Variants in HPSE2 observed in about 807,000 individuals in gnomAD.
The protein encoded by HPSE2 is heparanase 2 (inactive).
Under a neutral mutation model 60.5 loss-of-function variants are expected in HPSE2, and 38 were observed. The ratio of observed to expected loss-of-function variants is 0.63; its 90% CI spans 0.48 to 0.82. The LOEUF is 0.82. HPSE2 is among the 40% of genes least tolerant of loss of function. The probability of loss-of-function intolerance (pLI) is 0.00; values close to 1 mark genes in which losing one functional copy is unlikely to be tolerated. For missense variants in HPSE2, 713 were observed against 740.4 expected (o/e 0.96, Z 0.43); for synonymous variants, 295 against 293.2 (o/e 1.01, Z -0.06).
At chr10:99,296,657 G>A in the HPSE2 span, among the ~76,000 whole-genome samples, 2 of 152,180 alleles carry the variant, frequency 1.3e-5, no homozygotes, top group East Asian at 1.9e-4. Context: ...GAACCCTCCT[G>A]GGCTGAGCTC....
intron 3 of HPSE2, among the ~76,000 whole-genome samples, chr10:99,101,841 T>C (rs1167876950): frequency 6.6e-6 from 1 of 152,164 alleles, no homozygotes; most frequent in East Asian, 1.9e-4. Flanking sequence ...CACTTAAAAC[T>C]GCTCAACTAC....
At chr10:98,711,469 T>C (rs1416826625) in intron 5 of HPSE2, among the ~76,000 whole-genome samples, 1 of 152,140 alleles carries the variant, frequency 6.6e-6, no homozygotes, top group East Asian at 1.9e-4. Flanking sequence ...AAAAATAGCA[T>C]CACTGAATAG....
At chr10:99,015,431 A>C (rs188577220) in intron 3 of HPSE2, among the ~76,000 whole-genome samples, 1 of 152,252 alleles carries the variant, frequency 6.6e-6, no homozygotes, top group African/African-American at 2.4e-5. Context: ...ATGTCCAACA[A>C]TGATAGACTG....
intron 9 of HPSE2, among the ~76,000 whole-genome samples, chr10:98,593,249 T>C (rs1257822327): frequency 1.3e-5 from 2 of 152,156 alleles, no homozygotes; most frequent in African/African-American, 4.8e-5. Flanking sequence ...TCAGGGAATA[T>C]GGAAATATGG....
At chr10:98,865,884 C>A (rs566970037) in intron 3 of HPSE2, among the ~76,000 whole-genome samples, 2 of 152,136 alleles carry the variant, frequency 1.3e-5, no homozygotes, top group South Asian at 2.1e-4. Context: ...CCCTTCCTAA[C>A]AAATCATATA....
At chr10:99,235,912 T>TC (rs1849828281), upstream of HPSE2, 1 of 810,328 alleles carries the variant, frequency 1.2e-6, no homozygotes, top group Non-Finnish European at 2.1e-6. Context: ...TTTCCCTTCC[T>TC]CCCACCACCC....
intron 3 of HPSE2, among the ~76,000 whole-genome samples, chr10:98,947,302 T>A (rs1275823280): frequency 1.3e-5 from 2 of 152,140 alleles, no homozygotes; most frequent in East Asian, 3.9e-4. Context: ...AGGACTGCTA[T>A]AAGAAAGGCA....
At chr10:98,813,218 T>C (rs750141598) in intron 3 of HPSE2, among the ~76,000 whole-genome samples, 19 of 152,180 alleles carry the variant, frequency 1.2e-4, no homozygotes, top group Non-Finnish European at 2.2e-4. Flanking sequence ...GAATTATCAC[T>C]CATAGCAAGA....
chr10:98,773,923 G>A (rs1349211038), intron 3 of HPSE2, among the ~76,000 whole-genome samples: 3 of 152,034 alleles, frequency 2.0e-5, no homozygotes, highest in African/African-American at 7.2e-5. Context: ...CAGGCATTGT[G>A]GTACATGCCT....
chr10:99,205,264 T>G (rs1848707406), intron 2 of HPSE2, among the ~76,000 whole-genome samples: 1 of 152,026 alleles, frequency 6.6e-6, no homozygotes, highest in Non-Finnish European at 1.5e-5. Context: ...ACTAAAAAAA[T>G]AGACCAGATC....
At chr10:99,058,792 T>G (rs1227389390) in intron 3 of HPSE2, among the ~76,000 whole-genome samples, 1 of 152,080 alleles carries the variant, frequency 6.6e-6, no homozygotes, top group Non-Finnish European at 1.5e-5. Context: ...TGGGGATGTG[T>G]GAAAGAGAAA....
intron 4 of HPSE2, among the ~76,000 whole-genome samples, chr10:98,732,173 A>G (rs1033382399): frequency 1.3e-5 from 2 of 152,196 alleles, no homozygotes; most frequent in African/African-American, 4.8e-5. Context: ...AGCTCGTGAT[A>G]GGAAGATTTT....
intron 9 of HPSE2, among the ~76,000 whole-genome samples, chr10:98,536,037 T>C (rs753552978): frequency 5.3e-5 from 8 of 152,216 alleles, no homozygotes; most frequent in Non-Finnish European, 1.2e-4. Context: ...CCCCCTCTTA[T>C]ATGCAGACAA....
the HPSE2 span, among the ~76,000 whole-genome samples, chr10:99,306,157 A>G: frequency 3.3e-5 from 5 of 152,246 alleles, no homozygotes; most frequent in South Asian, 1.0e-3. Flanking sequence ...ATTCCAGAAG[A>G]GCAGAGAGGA....
chr10:98,512,129 T>C (rs1359209935), intron 9 of HPSE2, among the ~76,000 whole-genome samples: 1 of 152,114 alleles, frequency 6.6e-6, no homozygotes, highest in Non-Finnish European at 1.5e-5. Flanking sequence ...GCTCTGCTGC[T>C]CCAACTTCCT....
chr10:99,077,209 T>C (rs923731033), intron 3 of HPSE2, among the ~76,000 whole-genome samples: 6 of 152,204 alleles, frequency 3.9e-5, no homozygotes, highest in African/African-American at 1.4e-4. Context: ...ATTCATTTTA[T>C]TTGAGGTCTG....
chr10:98,845,224 G>T (rs903696440), intron 3 of HPSE2, among the ~76,000 whole-genome samples: 3 of 152,228 alleles, frequency 2.0e-5, no homozygotes, highest in African/African-American at 7.2e-5. Flanking sequence ...GGAACATGGG[G>T]TAAGAGCAGG....
intron 7 of HPSE2, among the ~76,000 whole-genome samples, chr10:98,624,869 T>C (rs1384964848): frequency 1.3e-5 from 2 of 152,130 alleles, no homozygotes; most frequent in African/African-American, 4.8e-5. Context: ...GATAAACATT[T>C]ATGTGGGTCC....
chr10:99,253,470 C>G, the HPSE2 span, among the ~76,000 whole-genome samples: 1 of 152,128 alleles, frequency 6.6e-6, no homozygotes, highest in African/African-American at 2.4e-5. Context: ...CTACCTTTCA[C>G]CATATGAAAA....
Sources: allele counts gnomAD v4.1 joint callset (sites outside exome capture counted in the v4.1 genomes callset), GRCh38; gene constraint gnomAD v4.1.1; transcripts MANE v1.5; gene names NCBI Gene and HGNC (gene_info 2026-07-23, HGNC 2026-07-21).